The following DSCAM variants were observed in gnomAD, a reference collection of about 807,000 sequenced individuals.
DSCAM encodes the protein cell adhesion molecule DSCAM.
In DSCAM, 47 loss-of-function variants were observed where a neutral mutation model predicts 217.7. That is an observed-to-expected ratio of 0.22 (90% CI 0.17 to 0.28). The LOEUF is 0.28. DSCAM is among the 10% of genes least tolerant of loss of function. The pLI is 1.00. For missense variants in DSCAM, 2,080 were observed against 2,618.3 expected (o/e 0.79, Z 4.49); for synonymous variants, 1,056 against 1,015.3 (o/e 1.04, Z -0.76).
At chr21:40,435,692 A>C (rs751960557) in intron 3 of DSCAM, among the ~76,000 whole-genome samples, 33 of 152,300 alleles carry the variant, frequency 2.2e-4, no homozygotes, top group Middle Eastern at 6.8e-3. Flanking sequence ...TCAGCTGAGC[A>C]TATTTGTGTG....
At chr21:40,508,155 A>C (rs1224169541) in intron 3 of DSCAM, among the ~76,000 whole-genome samples, 3 of 152,130 alleles carry the variant, frequency 2.0e-5, no homozygotes, top group Non-Finnish European at 4.4e-5. Context: ...TGATTTATTT[A>C]ATTTCTGACT....
chr21:40,826,432 T>C (rs1029532227), intron 1 of DSCAM, among the ~76,000 whole-genome samples: 1 of 152,174 alleles, frequency 6.6e-6, no homozygotes, highest in Non-Finnish European at 1.5e-5. Context: ...GCTGTGTTTA[T>C]TTTGGGGATG....
At chr21:40,706,709 T>G (rs940102505) in intron 2 of DSCAM, among the ~76,000 whole-genome samples, 13 of 152,196 alleles carry the variant, frequency 8.5e-5, no homozygotes, top group African/African-American at 3.1e-4. Context: ...AAGCTTCCAG[T>G]TCTGTACTCA....
At chr21:40,208,521 A>G (rs942516488) in intron 11 of DSCAM, among the ~76,000 whole-genome samples, 1 of 152,194 alleles carries the variant, frequency 6.6e-6, no homozygotes, top group Non-Finnish European at 1.5e-5. Context: ...AGCATGGAGA[A>G]TGGCTCACTG....
intron 3 of DSCAM, among the ~76,000 whole-genome samples, chr21:40,627,166 C>T (rs1028981576): frequency 6.6e-6 from 1 of 152,116 alleles, no homozygotes; most frequent in Non-Finnish European, 1.5e-5. Context: ...GACAGCCACA[C>T]GTTAGTTGAA....
chr21:40,400,760 T>C (rs2075226444), intron 3 of DSCAM, among the ~76,000 whole-genome samples: 1 of 152,236 alleles, frequency 6.6e-6, no homozygotes, highest in Non-Finnish European at 1.5e-5. Context: ...GGTATTTTCA[T>C]ACTCTGTTAT....
At chr21:40,597,478 C>CT (rs2077029832) in intron 3 of DSCAM, among the ~76,000 whole-genome samples, 1 of 130,858 alleles carries the variant, frequency 7.6e-6, no homozygotes. Flanking sequence ...TTTTTTTAAC[C>CT]TATCTTTTTT....
intron 3 of DSCAM, among the ~76,000 whole-genome samples, chr21:40,630,226 G>A (rs1207196548): frequency 6.6e-6 from 1 of 152,196 alleles, no homozygotes; most frequent in Non-Finnish European, 1.5e-5. Context: ...TCATACAGAG[G>A]TGAGGTGAGA....
intron 20 of DSCAM, among the ~76,000 whole-genome samples, chr21:40,113,395 T>G (rs1437365771): frequency 1.8e-4 from 28 of 152,232 alleles, no homozygotes; most frequent in Non-Finnish European, 4.4e-5. Context: ...ATAAATTAGG[T>G]ATTGATGGGA....
At chr21:40,675,034 C>T (rs1237929008) in intron 3 of DSCAM, among the ~76,000 whole-genome samples, 3 of 151,966 alleles carry the variant, frequency 2.0e-5, no homozygotes, top group African/African-American at 7.3e-5. Context: ...CACACACATG[C>T]ACGCGCACAC....
chr21:40,805,711 T>C (rs1328065175), intron 1 of DSCAM, among the ~76,000 whole-genome samples: 6 of 111,330 alleles, frequency 5.4e-5, no homozygotes, highest in Admixed American at 3.8e-4. Context: ...TTCTTTCTTT[T>C]CTTTTCTTTT....
intron 3 of DSCAM, among the ~76,000 whole-genome samples, chr21:40,379,757 T>C (rs1004202114): frequency 6.6e-6 from 1 of 152,226 alleles, no homozygotes; most frequent in African/African-American, 2.4e-5. Context: ...AGTGACTGTT[T>C]AGAAGATATA....
At position 40,273,676 on chromosome 21, in the gene DSCAM, T is replaced by C. The variant is rs73369856; in HGVS notation, c.2356+2421A>G. Among the ~76,000 whole-genome samples the C allele has an allele frequency of 3.4e-3, 514 of 152,334 alleles. 6 individuals carry two copies. Among genetic ancestry groups the C allele is most frequent in the African/African-American group, 0.012 (489 of 41,600 alleles). The stretch of plus-strand genomic sequence containing the variant: ...CTGGGGCTGCTGTAACAAAGTGCCA[T>C]ACATTGGTGGCTTATCAACAACGGA... On this transcript the variant is annotated intron_variant, in intron 11 of 32. Coordinates refer to ENST00000400454, the MANE Select transcript of DSCAM (RefSeq NM_001389.5).
rs187225728 is a variant in DSCAM, at chr21:40,713,427, T to G, written c.44-4656A>C. Among the ~76,000 whole-genome samples, 4 of 152,330 alleles carry G rather than the reference T, an allele frequency of 2.6e-5. No homozygotes were observed. In the East Asian group the frequency reaches 5.8e-4, roughly 22 times the overall value. ...CCTATATGGAATGTAGACTTCTATT[T>G]AGTAAAACCAAGAAGGTTAACCCCT... On this transcript the variant is annotated intron_variant, in intron 1 of 32. Transcript: ENST00000400454.
intron 11 of DSCAM, among the ~76,000 whole-genome samples, chr21:40,233,427 C>A (rs983627348): frequency 2.0e-4 from 30 of 152,250 alleles, no homozygotes; most frequent in Admixed American, 1.4e-3. Context: ...ACTAAAAATT[C>A]AACCAACCAG....
In DSCAM at chr21:40,143,923, TGGATACCA is replaced by T. The variant is rs370792521; in HGVS notation, c.3259+560_3259+567del. On this transcript the variant is annotated intron_variant, in intron 17 of 32. Transcript: ENST00000400454. ...CTTCCTGCCTAAAACACTGTGCCTCTGGATACCAGGGTTCTCTATTTTCAAGCACTACT... is the reference window on the plus strand; with the variant it reads ...CTTCCTGCCTAAAACACTGTGCCTCTGGGTTCTCTATTTTCAAGCACTACT... Among the ~76,000 whole-genome samples, 287 of 152,302 alleles carry T rather than the reference TGGATACCA, an allele frequency of 1.9e-3. 1 individual carries two copies. The highest frequency in any genetic ancestry group is 6.4e-3 in the African/African-American group (268 of 41,580).
intron 1 of DSCAM, among the ~76,000 whole-genome samples, chr21:40,709,476 G>C (rs1430600366): frequency 6.6e-6 from 1 of 152,156 alleles, no homozygotes; most frequent in Non-Finnish European, 1.5e-5. Flanking sequence ...TTCTCCTAAT[G>C]CTATCCCTCC....
At chr21:40,303,072 G>A (rs2074033902) in intron 9 of DSCAM, among the ~76,000 whole-genome samples, 1 of 152,168 alleles carries the variant, frequency 6.6e-6, no homozygotes, top group African/African-American at 2.4e-5. Context: ...CCATTTGGTG[G>A]AGGTGGGAGG....
intron 3 of DSCAM, among the ~76,000 whole-genome samples, chr21:40,434,221 C>T (rs953344139): frequency 6.6e-6 from 1 of 152,150 alleles, no homozygotes; most frequent in African/African-American, 2.4e-5. Context: ...CAAAGTCCAC[C>T]AGGACAGGAT....
Sources: allele counts gnomAD v4.1 joint callset (sites outside exome capture counted in the v4.1 genomes callset), GRCh38; gene constraint gnomAD v4.1.1; transcripts MANE v1.5; gene names NCBI Gene and HGNC (gene_info 2026-07-23, HGNC 2026-07-21).